ADIPOR2: variants seen among roughly 807,000 people sequenced by gnomAD.
ADIPOR2 encodes adiponectin receptor protein 2.
Under a neutral mutation model 40.9 loss-of-function variants are expected in ADIPOR2, and 18 were observed. The observed-to-expected ratio is 0.44, with a 90% CI of 0.30 to 0.65. ADIPOR2 has a LOEUF of 0.65. ADIPOR2 is among the 30% of genes least tolerant of loss of function. The pLI, the probability that ADIPOR2 is intolerant of heterozygous loss-of-function variation, is 0.09. For missense variants in ADIPOR2, 283 were observed against 479.2 expected (o/e 0.59, Z 3.82); for synonymous variants, 165 against 166.4 (o/e 0.99, Z 0.06).
chr12:1,728,958 G>GTTTTTTTTTTTTTTTTTTTTTTTTTT (rs66842156), intron 1 of ADIPOR2, among the ~76,000 whole-genome samples: 1 of 110,054 alleles, frequency 9.1e-6, no homozygotes, highest in African/African-American at 3.5e-5. Flanking sequence ...GTTCTGGACT[G>GTTTTTTTTTTTTTTTTTTTTTTTTTT]TTTTTTTTTT....
intron 2 of ADIPOR2, among the ~76,000 whole-genome samples, chr12:1,759,989 G>A: frequency 6.6e-6 from 1 of 151,986 alleles, no homozygotes. Context: ...TTGCACCGCT[G>A]CACTCCAGCC....
chr12:1,702,008 G>A (rs2094651188), intron 1 of ADIPOR2, among the ~76,000 whole-genome samples: 1 of 152,132 alleles, frequency 6.6e-6, no homozygotes, highest in Non-Finnish European at 1.5e-5. Flanking sequence ...TGTAATCCCA[G>A]CTACTCAGGA....
At chr12:1,734,429 A>G (rs2094726374) in intron 1 of ADIPOR2, among the ~76,000 whole-genome samples, 2 of 152,248 alleles carry the variant, frequency 1.3e-5, no homozygotes, top group Non-Finnish European at 2.9e-5. Flanking sequence ...GTGTCTGTTC[A>G]TATCCTTTGC....
intron 1 of ADIPOR2, among the ~76,000 whole-genome samples, chr12:1,720,693 C>T (rs569464933): frequency 5.9e-5 from 9 of 152,256 alleles, no homozygotes; most frequent in Middle Eastern, 6.8e-3. Context: ...ACAGATGAAG[C>T]TTTTGAGCCC....
chr12:1,710,207 G>A (rs1039273017), intron 1 of ADIPOR2, among the ~76,000 whole-genome samples: 1 of 152,116 alleles, frequency 6.6e-6, no homozygotes, highest in African/African-American at 2.4e-5. Flanking sequence ...ATAAATAAGG[G>A]AATAAAAGCT....
intron 1 of ADIPOR2, among the ~76,000 whole-genome samples, chr12:1,744,660 C>A (rs1230619839): frequency 3.9e-5 from 6 of 152,120 alleles, no homozygotes; most frequent in Admixed American, 6.5e-5. Flanking sequence ...TTAAATGGTG[C>A]CTTATACTTT....
chr12:1,769,821 T>A (rs1862460166), intron 2 of ADIPOR2, among the ~76,000 whole-genome samples: 3 of 152,142 alleles, frequency 2.0e-5, no homozygotes, highest in Admixed American at 2.0e-4. Context: ...GGATTACAGA[T>A]GTGCGACACT....
chr12:1,728,115 A>AT (rs1232417318), intron 1 of ADIPOR2, among the ~76,000 whole-genome samples: 267 of 144,616 alleles, frequency 1.8e-3, no homozygotes, highest in African/African-American at 5.3e-3. Flanking sequence ...TTTGTGTTAG[A>AT]TTTTTTTTTT....
chr12:1,713,628 A>G (rs2094681908), intron 1 of ADIPOR2, among the ~76,000 whole-genome samples: 1 of 152,070 alleles, frequency 6.6e-6, no homozygotes, highest in African/African-American at 2.4e-5. Context: ...CCCCATATTC[A>G]TGTAGATAAT....
intron 1 of ADIPOR2, among the ~76,000 whole-genome samples, chr12:1,742,502 A>C (rs2094745169): frequency 6.6e-6 from 1 of 152,252 alleles, no homozygotes; most frequent in Non-Finnish European, 1.5e-5. Context: ...TCAGAGATGC[A>C]CAGTAATTCT....
intron 1 of ADIPOR2, among the ~76,000 whole-genome samples, chr12:1,719,140 C>A (rs2094693105): frequency 6.6e-6 from 1 of 151,682 alleles, no homozygotes; most frequent in Non-Finnish European, 1.5e-5. Flanking sequence ...GCCATGTTAC[C>A]AATTATGCTT....
chr12:1,716,147 C>T (rs905234710), intron 1 of ADIPOR2, among the ~76,000 whole-genome samples: 2 of 152,190 alleles, frequency 1.3e-5, no homozygotes, highest in South Asian at 4.1e-4. Context: ...CAACTCCGCA[C>T]ACATAAAGAT....
intron 2 of ADIPOR2, chr12:1,757,981 A>G (rs1592616689): frequency 9.5e-7 from 1 of 1,051,538 alleles, no homozygotes; most frequent in Non-Finnish European, 1.5e-6. Context: ...GCTGCTGCCC[A>G]CTTCAGATGC....
At chr12:1,732,531 G>A (rs571938843) in intron 1 of ADIPOR2, among the ~76,000 whole-genome samples, 3 of 152,240 alleles carry the variant, frequency 2.0e-5, no homozygotes, top group African/African-American at 7.2e-5. Flanking sequence ...GTATGGATGT[G>A]TACCACAGTT....
At chr12:1,783,756 AGCTAATTTTATAT>A (rs1330433771) in intron 6 of ADIPOR2, 111 bp from the exon 7 acceptor site, 2 of 789,196 alleles carry the variant, frequency 2.5e-6, no homozygotes, top group African/African-American at 1.8e-5. Flanking sequence ...TAAAACTGGA[AGCTAATTTTATAT>A]GCTACTTTGA....
At chr12:1,779,200 C>A (rs1257553546) in intron 4 of ADIPOR2, among the ~76,000 whole-genome samples, 1 of 152,250 alleles carries the variant, frequency 6.6e-6, no homozygotes, top group South Asian at 2.1e-4. Flanking sequence ...AAAACATGTT[C>A]ACATAAAAAC....
intron 1 of ADIPOR2, among the ~76,000 whole-genome samples, chr12:1,694,017 G>T (rs879492490): frequency 6.6e-6 from 1 of 152,140 alleles, no homozygotes; most frequent in Non-Finnish European, 1.5e-5. Context: ...GAAGATGCTG[G>T]TTAACATTTA....
chr12:1,715,502 C>T (rs1022545677), intron 1 of ADIPOR2, among the ~76,000 whole-genome samples: 34 of 152,140 alleles, frequency 2.2e-4, no homozygotes, highest in African/African-American at 6.5e-4. Flanking sequence ...GTTTGTTCCC[C>T]GCTACCCTCT....
intron 2 of ADIPOR2, among the ~76,000 whole-genome samples, chr12:1,770,635 A>G (rs754022514): frequency 3.9e-5 from 6 of 152,204 alleles, no homozygotes; most frequent in African/African-American, 9.7e-5. Flanking sequence ...TAATTTAGCC[A>G]TCATGTAAGT....
Sources: gnomAD v4.1 joint callset for allele counts (sites outside exome capture counted in the v4.1 genomes callset) on GRCh38, gnomAD v4.1.1 for gene constraint, MANE v1.5 for transcripts, NCBI Gene and HGNC (gene_info 2026-07-23, HGNC 2026-07-21) for gene names.